TMEM231: variants seen among roughly 807,000 people sequenced by gnomAD.
TMEM231 encodes transmembrane protein 231.
A neutral mutation model predicts 38.5 loss-of-function variants in TMEM231; 40 were observed. The ratio of observed to expected loss-of-function variants is 1.04; its 90% CI spans 0.81 to 1.35. TMEM231 has a LOEUF of 1.35. Ranked by LOEUF, TMEM231 falls within the 40% of genes most tolerant of loss-of-function variation. The pLI, the probability that TMEM231 is intolerant of heterozygous loss-of-function variation, is 0.00. For missense variants in TMEM231, 420 were observed against 416.9 expected, an observed-to-expected ratio of 1.01 and a Z score of -0.07; for synonymous variants, 199 against 181.7, an observed-to-expected ratio of 1.10 and a Z score of -0.77.
chr16:75,550,666 T>G (rs11641024), intron 2 of TMEM231, among the ~76,000 whole-genome samples: 22,398 of 152,014 alleles, frequency 0.15, 1,764 homozygotes, highest in Middle Eastern at 0.22. Context: ...TGTTGGAATT[T>G]TGTTTGGTTT....
Position 75,547,234 on chromosome 16 carries a change from T to C in TMEM231, c.310-1280A>G, listed in dbSNP as rs575976159. ...CCCATCTGGATCCACCATCTATGGA[T>C]TCATTTTGATTCCCACCATTACTAT... On this transcript the variant is annotated intron_variant, in intron 2 of 6. Coordinates refer to ENST00000258173, the MANE Select transcript of TMEM231 (RefSeq NM_001077418.3). Among the ~76,000 whole-genome samples, 3 of 152,376 alleles carry C rather than the reference T, an allele frequency of 2.0e-5. No individual in the cohort carries two copies. The South Asian group carries it at 6.2e-4, about 32-fold the overall frequency.
At chr16:75,555,746 A>T (rs2080802242) in intron 2 of TMEM231, 58 bp downstream of exon 2, 1 of 1,432,208 alleles carries the variant, frequency 7.0e-7, no homozygotes, top group Non-Finnish European at 9.2e-7. Context: ...TCCTCATTCC[A>T]GTCCCCATCC....
rs364229 is a variant in TMEM231, at chr16:75,539,008, G to C, written c.*986C>G. 5 of 152,178 alleles carry C rather than the reference G, an allele frequency of 3.3e-5. No individual in the cohort carries two copies. The highest frequency in any genetic ancestry group is 9.7e-5 in the African/African-American group (4 of 41,406). 9.4% of individuals were successfully genotyped at this position (152,178 alleles called of 1,614,324 possible). ...CCCGCCCCACTCTGATGGGCACCCT[G>C]TTCCTTAGTCAAGGGAAACGCCAGC... On this transcript the variant is annotated 3_prime_UTR_variant, in exon 7 of 7. Coordinates refer to ENST00000258173, the MANE Select transcript of TMEM231 (RefSeq NM_001077418.3).
intron 2 of TMEM231, among the ~76,000 whole-genome samples, chr16:75,554,559 AAAAAG>A (rs373257635): frequency 1.3e-4 from 18 of 140,800 alleles, no homozygotes; most frequent in Admixed American, 2.4e-4. Context: ...AAAAAAAAAA[AAAAAG>A]AAAAGAAAAG....
intron 2 of TMEM231, among the ~76,000 whole-genome samples, chr16:75,548,442 T>C (rs2080719041): frequency 6.6e-6 from 1 of 152,212 alleles, no homozygotes; most frequent in Admixed American, 6.5e-5. Context: ...AATGAGACTA[T>C]AATGGTAAAC....
intron 5 of TMEM231, chr16:75,541,717 T>A: frequency 4.1e-6 from 1 of 244,934 alleles, no homozygotes; most frequent in South Asian, 1.2e-4. Flanking sequence ...AGGAATACTA[T>A]ACTGCCACTA....
chr16:75,551,525 A>G (rs534619303), intron 2 of TMEM231, among the ~76,000 whole-genome samples: 12 of 152,346 alleles, frequency 7.9e-5, no homozygotes, highest in South Asian at 2.1e-4. Context: ...AAAATGAACC[A>G]TTATTTTATA....
chr16:75,549,080 G>C (rs548267381), intron 2 of TMEM231, among the ~76,000 whole-genome samples: 1 of 152,124 alleles, frequency 6.6e-6, no homozygotes, highest in Admixed American at 6.6e-5. Flanking sequence ...AGGGTGGAGA[G>C]AGGGGGGAGA....
intron 2 of TMEM231, among the ~76,000 whole-genome samples, chr16:75,546,441 A>AT (rs377225541): frequency 3.4e-4 from 50 of 148,484 alleles, no homozygotes; most frequent in Non-Finnish European, 5.8e-4. Flanking sequence ...ACCAAGCTCT[A>AT]TTTTTTTTTG....
At chr16:75,541,679 C>A in intron 5 of TMEM231, 2 of 329,118 alleles carry the variant, frequency 6.1e-6, no homozygotes, top group East Asian at 5.2e-5. Context: ...GAAAGAGTTT[C>A]TTCTACATGT....
chr16:75,550,841 C>G (rs746600289), intron 2 of TMEM231, among the ~76,000 whole-genome samples: 1 of 151,792 alleles, frequency 6.6e-6, no homozygotes, highest in Non-Finnish European at 1.5e-5. Context: ...CTCAGCCTCC[C>G]AAACAGCTGG....
chr16:75,555,775 T>C (rs750419732), intron 2 of TMEM231, 29 bp downstream of exon 2: 4 of 1,489,446 alleles, frequency 2.7e-6, no homozygotes, highest in Non-Finnish European at 3.6e-6. Context: ...TCCCCGACTC[T>C]GCCCCAGGCC....
chr16:75,541,424 G>C lies in TMEM231; in HGVS notation c.696C>G (p.Ile232Met), dbSNP rs778875107. The C allele has an allele frequency of 1.9e-6, 3 of 1,612,128 alleles. No homozygotes were observed. Among genetic ancestry groups the C allele is most frequent in the Non-Finnish European group, 2.5e-6 (3 of 1,178,862 alleles). Reference protein sequence around the residue: ...VTTVLNDPNPIWLVGRAADAP... With the variant: ...VTTVLNDPNPMWLVGRAADAP... ...CATCTGCGGCCCTGCCCACCAGCCA[G>C]ATGGGGTTGGGATCATTCAGGACGG... is the stretch of plus-strand genomic sequence containing the variant. The change falls in exon 6 of 7, where the codon ATC becomes ATG. Residue 232 changes from isoleucine (I) to methionine (M), a missense_variant. Transcript: ENST00000258173.
intron 2 of TMEM231, among the ~76,000 whole-genome samples, chr16:75,553,354 C>A (rs1232264784): frequency 6.6e-6 from 1 of 152,184 alleles, no homozygotes; most frequent in East Asian, 1.9e-4. Context: ...CACCTGTAAT[C>A]ACACCTGTAA....
chr16:75,546,086 G>A lies in TMEM231; in HGVS notation c.310-132C>T, dbSNP rs760007818. On this transcript the variant is annotated intron_variant, in intron 2 of 6. Coordinates refer to ENST00000258173, the MANE Select transcript of TMEM231 (RefSeq NM_001077418.3). ...AGGCATTATCTCCTCCACTAAAAGA[G>A]AAAAGCAGATAGATGTAAGTGCATT... 5 of 1,546,216 alleles carry A rather than the reference G, an allele frequency of 3.2e-6. No individual in the cohort carries two copies. The South Asian group carries it at 3.6e-5, about 11-fold the overall frequency.
intron 2 of TMEM231, among the ~76,000 whole-genome samples, chr16:75,554,545 C>CAA (rs1185694717): frequency 0.031 from 2,884 of 93,970 alleles, 102 homozygotes; most frequent in African/African-American, 0.1. Flanking sequence ...GACTGTGTCT[C>CAA]AAAAAAAAAA....
chr16:75,554,892 T>C (rs1275929120), intron 2 of TMEM231: 2 of 151,878 alleles, frequency 1.3e-5, no homozygotes, highest in Admixed American at 6.6e-5. Flanking sequence ...CCTATTACTA[T>C]TTTTTTTGCA....
In TMEM231 at chr16:75,545,344, G is replaced by C. The variant is rs144252983; in HGVS notation, c.582+8C>G. On this transcript the variant is annotated splice_region_variant and intron_variant, in intron 4 of 6. Transcript: ENST00000258173. ...ACAAAGGAGCTGGACAATGAGAAGC[G>C]CTCTTACGTTGTATCGGGCATCTAG... 60,138 of 1,608,734 alleles carry C rather than the reference G, an allele frequency of 0.037. 1,400 individuals carry two copies. Among genetic ancestry groups the C allele is most frequent in the South Asian group, 0.068 (6,188 of 90,800 alleles).
chr16:75,547,528 T>A (rs2080707698), intron 2 of TMEM231, among the ~76,000 whole-genome samples: 1 of 152,110 alleles, frequency 6.6e-6, no homozygotes, highest in Non-Finnish European at 1.5e-5. Context: ...CTAGTCATTA[T>A]AGGTAGGATG....
Sources: gnomAD v4.1 joint callset for allele counts (sites outside exome capture counted in the v4.1 genomes callset) on GRCh38, gnomAD v4.1.1 for gene constraint, MANE v1.5 for transcripts, NCBI Gene and HGNC (gene_info 2026-07-23, HGNC 2026-07-21) for gene names.